DGKH: variants seen among roughly 807,000 people sequenced by gnomAD.
DGKH encodes the protein DAG kinase eta.
DGKH carries 90 observed loss-of-function variants against 159.3 expected under a neutral mutation model. The observed-to-expected ratio is 0.57, with a 90% confidence interval of 0.48 to 0.67. DGKH has a LOEUF of 0.67. Among genes scored for constraint, DGKH ranks in the 30% least tolerant of loss-of-function variants. The pLI, the probability that DGKH is intolerant of heterozygous loss-of-function variation, is 0.00. For synonymous variants in DGKH, 536 were observed against 553.8 expected (o/e 0.97, Z 0.45); for missense variants, 1,181 against 1,506.1 (o/e 0.78, Z 3.57).
upstream of DGKH, among the ~76,000 whole-genome samples, chr13:42,045,172 G>A (rs1880732747): frequency 6.6e-6 from 1 of 152,122 alleles, no homozygotes; most frequent in African/African-American, 2.4e-5. Context: ...GACTGGTGAT[G>A]CATGTCTGTA....
chr13:42,048,675 G>A lies in DGKH; in HGVS notation c.-99G>A. The stretch of plus-strand genomic sequence containing the variant: ...GAAACGGAAGATGGCGGCGGCGGCC[G>A]GGCACGGGGTTCCGGGCTCCGCTCG... On this transcript the variant is annotated 5_prime_UTR_variant, in exon 1 of 30. Transcript: ENST00000337343. The surrounding 1 kb of genome is among the most constrained non-coding windows in gnomAD (Gnocchi z 6.7). The A allele has an allele frequency of 8.3e-7, 1 of 1,207,770 alleles. No individual in the cohort carries two copies. The highest frequency in any genetic ancestry group is 1.0e-6 in the Non-Finnish European group (1 of 968,490). 74.8% of individuals were successfully genotyped at this position (1,207,770 alleles called of 1,614,324 possible). A position where few individuals can be genotyped will look rare whatever the true frequency, so the allele number is the denominator to read the frequency against.
chr13:42,053,837 G>A (rs1261422874), intron 1 of DGKH, among the ~76,000 whole-genome samples: 1 of 152,004 alleles, frequency 6.6e-6, no homozygotes, highest in Non-Finnish European at 1.5e-5. Context: ...GGCCAGGGTG[G>A]TCTTGATCTC....
Position 42,215,626 on chromosome 13 carries a change from T to C in DGKH, c.3172T>C (p.Tyr1058His). 6.2e-7 allele frequency: 1 copy of C among 1,611,854 alleles called. No homozygotes were observed. The highest frequency in any genetic ancestry group is 8.5e-7 in the Non-Finnish European group (1 of 1,178,764). The change falls in exon 26 of 30, where the codon TAT becomes CAT. Residue 1058 changes from tyrosine (Y) to histidine (H), a missense_variant. Transcript: ENST00000337343. ...AATAGCCATCAATGTGAAGGCGCTG[T>C]ATAATGAAACAGAATCTTTGCTAGT... Reference protein sequence around the residue: ...TEIAINVKALYNETESLLVGR... With the variant: ...TEIAINVKALHNETESLLVGR...
chr13:42,151,650 A>AAT (rs1217734834), intron 3 of DGKH, among the ~76,000 whole-genome samples: 18 of 149,788 alleles, frequency 1.2e-4, no homozygotes, highest in Middle Eastern at 6.9e-3. Context: ...AAAAGAATAA[A>AAT]ATATATATAT....
At chr13:42,190,367 A>T (rs750069448) in intron 15 of DGKH, 36 bp from the exon 16 acceptor site, 1 of 1,588,784 alleles carries the variant, frequency 6.3e-7, no homozygotes, top group Admixed American at 1.9e-5. Context: ...CTTTATTTTC[A>T]CTTATCCAAA....
intron 1 of DGKH, among the ~76,000 whole-genome samples, chr13:42,040,524 G>C (rs1175036022): frequency 6.6e-6 from 1 of 151,462 alleles, no homozygotes; most frequent in South Asian, 2.1e-4. Flanking sequence ...GGCGGGTAGC[G>C]GGGAGGAAAA....
intron 1 of DGKH, among the ~76,000 whole-genome samples, chr13:42,064,537 G>A (rs1882418921): frequency 6.6e-6 from 1 of 152,272 alleles, no homozygotes; most frequent in Middle Eastern, 3.4e-3. Context: ...GATGTTGGAT[G>A]AAGAGTGAGG....
At chr13:42,135,489 C>CACAAAAAAAAAA (rs1223953901) in intron 3 of DGKH, among the ~76,000 whole-genome samples, 2 of 50,996 alleles carry the variant, frequency 3.9e-5, no homozygotes, top group Non-Finnish European at 8.5e-5. Context: ...GACCCTGTCT[C>CACAAAAAAAAAA]AGAAAAAAAA....
chr13:42,151,478 GGTGTGTGT>G (rs143470293), intron 3 of DGKH, among the ~76,000 whole-genome samples: 117 of 126,368 alleles, frequency 9.3e-4, no homozygotes, highest in African/African-American at 1.8e-3. Context: ...AGTATTCCAT[GGTGTGTGT>G]GTGTGTGTGT....
At chr13:42,056,741 C>T (rs970812735) in intron 1 of DGKH, among the ~76,000 whole-genome samples, 4 of 152,176 alleles carry the variant, frequency 2.6e-5, no homozygotes, top group African/African-American at 9.7e-5. Context: ...AAACTTTAAT[C>T]TACAGCATGC....
At chr13:42,216,178 A>G (rs975823219) in intron 26 of DGKH, among the ~76,000 whole-genome samples, 3 of 152,228 alleles carry the variant, frequency 2.0e-5, no homozygotes, top group African/African-American at 7.2e-5. Flanking sequence ...TCTGAATCAG[A>G]CCACAGTCCA....
At chr13:42,068,237 A>G (rs565344027) in intron 1 of DGKH, among the ~76,000 whole-genome samples, 1 of 152,368 alleles carries the variant, frequency 6.6e-6, no homozygotes, top group East Asian at 1.9e-4. Context: ...TAATTTTTAT[A>G]ATTAAATACA....
chr13:42,221,137 C>A, intron 28 of DGKH, 127 bp from the exon 29 acceptor site: 1 of 1,230,082 alleles, frequency 8.1e-7, no homozygotes, highest in Non-Finnish European at 1.1e-6. Context: ...GTTGAAACAA[C>A]ACCTTTAACC....
At chr13:42,131,001 A>C (rs1386747619) in intron 3 of DGKH, among the ~76,000 whole-genome samples, 1 of 151,920 alleles carries the variant, frequency 6.6e-6, no homozygotes. Flanking sequence ...GACACGTCCT[A>C]TACTGTAGAG....
At chr13:42,152,435 A>G (rs868101977) in intron 3 of DGKH, among the ~76,000 whole-genome samples, 10 of 148,380 alleles carry the variant, frequency 6.7e-5, no homozygotes, top group Admixed American at 4.0e-4. Flanking sequence ...ATATATGTGT[A>G]TATATATATA....
chr13:42,129,601 C>G lies in DGKH; in HGVS notation c.353C>G (p.Ala118Gly). Residue 118 changes from alanine to glycine, a missense_variant, in exon 3 of 30, where the codon GCA becomes GGA. Physicochemically the swap from Ala to Gly is moderately conservative, Grantham distance 60. This residue lies in a region of DGKH where 369 missense variants were observed against 519.4 expected (regional missense o/e 0.71). Coordinates refer to ENST00000337343, the MANE Select transcript of DGKH (RefSeq NM_178009.5). ...CTCTCAGATGCTAGTGTAGCTGAAG[C>G]AAGCACGAAAAATGCTAACAACAGC... The part of the protein sequence containing the change: ...VDLSDASVAE[A>G]STKNANNSFT... 4 of 1,612,802 alleles carry G rather than the reference C, an allele frequency of 2.5e-6. No individual in the cohort carries two copies. The highest frequency in any genetic ancestry group is 2.5e-6 in the Non-Finnish European group (3 of 1,179,426).
At chr13:42,129,673 G>T in intron 3 of DGKH, 41 bp downstream of exon 3, 1 of 1,564,484 alleles carries the variant, frequency 6.4e-7, no homozygotes, top group Non-Finnish European at 8.8e-7. Flanking sequence ...AAAAGTTATA[G>T]AATGACCTTT....
At chr13:42,045,953 C>T (rs1880773498), upstream of DGKH, among the ~76,000 whole-genome samples, 1 of 152,138 alleles carries the variant, frequency 6.6e-6, no homozygotes, top group Non-Finnish European at 1.5e-5. Context: ...CTGTGACTTA[C>T]ACATCTTCAG....
rs1958483455 is a variant in DGKH, at chr13:42,239,773, T to C, written c.*10585T>C. On this transcript the variant is annotated 3_prime_UTR_variant, in exon 30 of 30. Coordinates refer to ENST00000337343, the MANE Select transcript of DGKH (RefSeq NM_178009.5). ...GCTCTTTTTTCTCTAAATTACAGAA[T>C]AGCAAACTAACTCCTAAGCAAGATG... 5 of 152,530 alleles carry C rather than the reference T, an allele frequency of 3.3e-5. No individual in the cohort carries two copies. In the South Asian group the frequency reaches 1.0e-3, roughly 32 times the overall value. The allele number at this position is 152,530 out of a possible 1,614,324, so 9.4% of individuals were successfully genotyped here. A position where few individuals can be genotyped will look rare whatever the true frequency, so the allele number is the denominator to read the frequency against.
Sources: allele counts gnomAD v4.1 joint callset (sites outside exome capture counted in the v4.1 genomes callset), GRCh38; gene constraint gnomAD v4.1.1; regional missense constraint gnomAD v4.1.1; non-coding constraint Gnocchi (gnomAD v3.1); transcripts MANE v1.5; gene names NCBI Gene and HGNC (gene_info 2026-07-23, HGNC 2026-07-21).